The following CCDC91 variants were observed in gnomAD, a reference collection of about 807,000 sequenced individuals.
CCDC91 encodes the protein coiled-coil domain-containing protein 91.
In CCDC91, 48 loss-of-function variants were observed where a neutral mutation model predicts 63.2. The ratio of observed to expected loss-of-function variants is 0.76; its 90% CI spans 0.60 to 0.97. The LOEUF is 0.97. Ranked by LOEUF, CCDC91 falls within the 50% of genes least tolerant of loss-of-function variation. The probability of loss-of-function intolerance (pLI) is 0.00; values close to 1 mark genes in which losing one functional copy is unlikely to be tolerated. For synonymous variants in CCDC91, 167 were observed against 165.8 expected, an observed-to-expected ratio of 1.01 and a Z score of -0.06; for missense variants, 500 against 494.6, an observed-to-expected ratio of 1.01 and a Z score of -0.10.
intron 6 of CCDC91, among the ~76,000 whole-genome samples, chr12:28,355,860 A>C (rs1272019350): frequency 6.6e-6 from 1 of 152,178 alleles, no homozygotes; most frequent in Non-Finnish European, 1.5e-5. Flanking sequence ...TTATTGGAAT[A>C]GGAGCAGTGA....
chr12:28,207,654 T>C (rs747180352), intron 1 of CCDC91, among the ~76,000 whole-genome samples: 1 of 152,232 alleles, frequency 6.6e-6, no homozygotes. Context: ...TTGATTGTCT[T>C]CTGAAGAATA....
At chr12:28,416,809 G>A (rs1015175106) in intron 8 of CCDC91, among the ~76,000 whole-genome samples, 1 of 152,066 alleles carries the variant, frequency 6.6e-6, no homozygotes, top group Non-Finnish European at 1.5e-5. Context: ...AGAGTATCTT[G>A]TCAGTACTCA....
chr12:28,407,959 TATA>T (rs1439725645), intron 8 of CCDC91, among the ~76,000 whole-genome samples: 2 of 113,188 alleles, frequency 1.8e-5, no homozygotes, highest in African/African-American at 2.8e-5. Context: ...TACATATATA[TATA>T]TATTTTTTTT....
chr12:28,427,106 C>T (rs1948363337), intron 8 of CCDC91, among the ~76,000 whole-genome samples: 1 of 152,098 alleles, frequency 6.6e-6, no homozygotes, highest in South Asian at 2.1e-4. Flanking sequence ...TATACCACAG[C>T]CCTCTTGTTT....
chr12:28,396,704 CACAA>C (rs1226657985), intron 8 of CCDC91, among the ~76,000 whole-genome samples: 2 of 151,146 alleles, frequency 1.3e-5, no homozygotes, highest in East Asian at 1.9e-4. Context: ...GTGTTTGTGA[CACAA>C]ACACATATAT....
At chr12:28,209,106 C>T (rs900106895) in intron 1 of CCDC91, among the ~76,000 whole-genome samples, 3 of 152,072 alleles carry the variant, frequency 2.0e-5, no homozygotes, top group African/African-American at 4.8e-5. Context: ...ATACCTGGCC[C>T]ATTATCTTTT....
At chr12:28,518,834 G>A (rs1940254116) in intron 12 of CCDC91, among the ~76,000 whole-genome samples, 1 of 151,946 alleles carries the variant, frequency 6.6e-6, no homozygotes. Flanking sequence ...TTTGTATAAG[G>A]TGAGAGATAA....
At chr12:28,251,018 C>G (rs889364605) in intron 1 of CCDC91, among the ~76,000 whole-genome samples, 1 of 150,766 alleles carries the variant, frequency 6.6e-6, no homozygotes, top group Admixed American at 6.6e-5. Context: ...TCTCTAATTT[C>G]TGTTTGCCCA....
intron 3 of CCDC91, among the ~76,000 whole-genome samples, chr12:28,283,924 A>G (rs1948754930): frequency 6.6e-6 from 1 of 152,168 alleles, no homozygotes; most frequent in South Asian, 2.1e-4. Context: ...CTGTGTTAGT[A>G]ATGAATTTAG....
intron 3 of CCDC91, among the ~76,000 whole-genome samples, chr12:28,269,335 C>T (rs879898107): frequency 6.6e-6 from 1 of 151,996 alleles, no homozygotes; most frequent in Non-Finnish European, 1.5e-5. Context: ...AATCTTCCAA[C>T]CCCTTTTTGT....
At chr12:28,505,785 G>A (rs1444970609) in intron 12 of CCDC91, among the ~76,000 whole-genome samples, 1 of 151,906 alleles carries the variant, frequency 6.6e-6, no homozygotes, top group African/African-American at 2.4e-5. Flanking sequence ...ATAGAATTGT[G>A]GACTCAGGCA....
chr12:28,212,996 T>G lies in CCDC91; in HGVS notation c.-15+22355T>G, dbSNP rs75061006. Among the ~76,000 whole-genome samples the G allele has an allele frequency of 5.7e-3, 862 of 152,264 alleles. 4 individuals carry two copies. The highest frequency in any genetic ancestry group is 9.7e-3 in the Non-Finnish European group (660 of 68,018). The stretch of plus-strand genomic sequence containing the variant: ...AATAAGTTATAGTGAGTTTATTGAT[T>G]GGGAAGGAATGGGATCTTGAAAATT... On this transcript the variant is annotated intron_variant, in intron 1 of 12. Transcript: ENST00000536442.
At chr12:28,259,475 T>TC (rs1240730011) in intron 3 of CCDC91, 33 bp downstream of exon 3, 1 of 1,424,952 alleles carries the variant, frequency 7.0e-7, no homozygotes, top group African/African-American at 1.4e-5. Context: ...GTTTTTTTTT[T>TC]TTTTTTTCCC....
In CCDC91 at chr12:28,381,334, T is replaced by C. The variant is rs186398001; in HGVS notation, c.655-9970T>C. Among the ~76,000 whole-genome samples, 833 of 152,220 alleles carry C rather than the reference T, an allele frequency of 5.5e-3. 7 individuals carry two copies. Among genetic ancestry groups the C allele is most frequent in the Non-Finnish European group, 8.2e-3 (560 of 67,988 alleles). Reference sequence around the variant, plus strand: ...CTGATTTATGAGAATATTGATTTTATACCAAGGATAAATTAATAGGGGATA... The same window carrying C: ...CTGATTTATGAGAATATTGATTTTACACCAAGGATAAATTAATAGGGGATA... On this transcript the variant is annotated intron_variant, in intron 7 of 12. Transcript: ENST00000536442.
chr12:28,205,268 ATAGT>A (rs1462212613), intron 1 of CCDC91, among the ~76,000 whole-genome samples: 1 of 152,000 alleles, frequency 6.6e-6, no homozygotes, highest in Non-Finnish European at 1.5e-5. Flanking sequence ...TGCAAGTCTA[ATAGT>A]TATATTGAGT....
intron 7 of CCDC91, among the ~76,000 whole-genome samples, chr12:28,378,449 G>T (rs1945083478): frequency 6.6e-6 from 1 of 151,920 alleles, no homozygotes; most frequent in Admixed American, 6.6e-5. Context: ...ATTTTCCCAG[G>T]GTGTAGAGTT....
chr12:28,331,224 T>C (rs1055176373), intron 6 of CCDC91, among the ~76,000 whole-genome samples: 2 of 152,218 alleles, frequency 1.3e-5, no homozygotes, highest in Non-Finnish European at 2.9e-5. Context: ...GGCTAAATAC[T>C]ACTTTCTAGC....
intron 7 of CCDC91, among the ~76,000 whole-genome samples, chr12:28,380,569 T>C (rs1474480125): frequency 6.6e-6 from 1 of 152,106 alleles, no homozygotes; most frequent in East Asian, 1.9e-4. Flanking sequence ...GTATCATTAG[T>C]TTCTTCCAAG....
At chr12:28,412,518 G>A (rs961380454) in intron 8 of CCDC91, among the ~76,000 whole-genome samples, 1 of 152,108 alleles carries the variant, frequency 6.6e-6, no homozygotes, top group Admixed American at 6.6e-5. Flanking sequence ...CCTGCTGGTG[G>A]GATCGTGGTC....
Sources: gnomAD v4.1 joint callset for allele counts (sites outside exome capture counted in the v4.1 genomes callset) on GRCh38, gnomAD v4.1.1 for gene constraint, MANE v1.5 for transcripts, NCBI Gene and HGNC (gene_info 2026-07-23, HGNC 2026-07-21) for gene names.